MYCBP2: variants seen among roughly 807,000 people sequenced by gnomAD.
The protein encoded by MYCBP2 is MYC binding protein 2.
A neutral mutation model predicts 525.3 loss-of-function variants in MYCBP2; 120 were observed. The observed-to-expected ratio is 0.23, with a 90% confidence interval of 0.20 to 0.27. MYCBP2 has a LOEUF of 0.27. MYCBP2 is among the 10% of genes least tolerant of loss of function. The pLI, the probability that MYCBP2 is intolerant of heterozygous loss-of-function variation, is 1.00. For synonymous variants in MYCBP2, 1,894 were observed against 1,955.8 expected, an observed-to-expected ratio of 0.97 and a Z score of 0.83; for missense variants, 4,149 against 5,657.1, an observed-to-expected ratio of 0.73 and a Z score of 8.55.
chr13:77,261,423 G>T, intron 11 of MYCBP2, 48 bp from the exon 12 acceptor site: 4 of 1,374,606 alleles, frequency 2.9e-6, no homozygotes, highest in Non-Finnish European at 4.0e-6. Context: ...TTGGAATAGT[G>T]CATCAGGTTT....
chr13:77,096,455 C>T lies in MYCBP2; in HGVS notation c.9811G>A (p.Gly3271Ser), dbSNP rs2153508. Residue 3271 changes from glycine (G) to serine (S), a missense_variant, in exon 57 of 83, where the codon GGT (glycine) becomes AGT (serine). Coordinates refer to ENST00000544440, the MANE Select transcript of MYCBP2 (RefSeq NM_015057.5). ...PGCGRYAGGQ[G>S]YNSIGHFCGG... Reference sequence around the variant, plus strand: ...CAAAAATGCCCAATGCTATTGTAACCTTGTCCACCAGCATATCGGCCACAA... The same window carrying T: ...CAAAAATGCCCAATGCTATTGTAACTTTGTCCACCAGCATATCGGCCACAA... 1 of 1,613,262 alleles carries T rather than the reference C, an allele frequency of 6.2e-7. No individual in the cohort carries two copies. Among genetic ancestry groups the T allele is most frequent in the Non-Finnish European group, 8.5e-7 (1 of 1,179,500 alleles).
chr13:77,259,486 T>C (rs982877699), intron 13 of MYCBP2, among the ~76,000 whole-genome samples: 1 of 152,166 alleles, frequency 6.6e-6, no homozygotes, highest in African/African-American at 2.4e-5. Context: ...CAGTGGATGT[T>C]AGCAAGCAAC....
At chr13:77,323,797 C>A (rs942953908) in intron 1 of MYCBP2, among the ~76,000 whole-genome samples, 1 of 152,144 alleles carries the variant, frequency 6.6e-6, no homozygotes, top group African/African-American at 2.4e-5. Context: ...GGATATGATG[C>A]CTATCCTCAA....
Position 77,098,122 on chromosome 13 carries a change from T to A in MYCBP2, c.9032A>T (p.Asp3011Val), listed in dbSNP as rs1358980856. Residue 3011 changes from aspartate to valine, a missense_variant, in exon 56 of 83, where the codon GAT (aspartate) becomes GTT (valine). Asp to Val is a radical substitution (Grantham distance 152). This residue lies in a region of MYCBP2 where 653 missense variants were observed against 744.7 expected (regional missense o/e 0.88). Coordinates refer to ENST00000544440, the MANE Select transcript of MYCBP2 (RefSeq NM_015057.5). ...KEKSSFLFKG[D>V]GSKPLEPAKQ... ...GGCTGGCTCTAAAGGCTTGGATCCA[T>A]CTCCTTTGAAAAGAAAACTCGATTT... is the stretch of plus-strand genomic sequence containing the variant. 1.2e-6 allele frequency: 2 copies of A among 1,613,608 alleles called. No individual in the cohort carries two copies. The highest frequency in any genetic ancestry group is 2.2e-5 in the East Asian group (1 of 44,858).
chr13:77,215,947 G>A (rs1304084166), intron 21 of MYCBP2, among the ~76,000 whole-genome samples: 2 of 152,112 alleles, frequency 1.3e-5, no homozygotes, highest in South Asian at 2.1e-4. Context: ...ATCCAAAGAC[G>A]TCCTGTAGCA....
At chr13:77,205,199 T>C in intron 26 of MYCBP2, 57 bp downstream of exon 26, 2 of 1,372,952 alleles carry the variant, frequency 1.5e-6, no homozygotes, top group Non-Finnish European at 1.9e-6. Flanking sequence ...AAATAATAAA[T>C]TAAGTCAAAA....
chr13:77,312,600 C>T (rs762529620), intron 1 of MYCBP2, among the ~76,000 whole-genome samples: 4 of 151,694 alleles, frequency 2.6e-5, no homozygotes, highest in Non-Finnish European at 5.9e-5. Flanking sequence ...AGAGATATTG[C>T]TGAAAAGACC....
intron 53 of MYCBP2, among the ~76,000 whole-genome samples, 175 bp downstream of exon 53, chr13:77,126,143 T>G (rs865949832): frequency 6.6e-6 from 1 of 152,228 alleles, no homozygotes; most frequent in Non-Finnish European, 1.5e-5. Context: ...AGGATAATTA[T>G]GCAAATCATT....
chr13:77,317,869 G>A (rs762986190), intron 1 of MYCBP2, among the ~76,000 whole-genome samples: 9 of 152,016 alleles, frequency 5.9e-5, no homozygotes, highest in African/African-American at 1.5e-4. Flanking sequence ...CCCGGGAGGC[G>A]GAGGTTGCAG....
intron 1 of MYCBP2, among the ~76,000 whole-genome samples, chr13:77,303,152 GTGAAAT>G (rs1420638683): frequency 3.9e-5 from 6 of 152,214 alleles, no homozygotes; most frequent in Non-Finnish European, 7.3e-5. Context: ...CACCAACATG[GTGAAAT>G]ACCGTCTCTA....
chr13:77,112,474 A>G (rs1201038562), intron 55 of MYCBP2, among the ~76,000 whole-genome samples: 1 of 150,856 alleles, frequency 6.6e-6, no homozygotes, highest in Non-Finnish European at 1.5e-5. Flanking sequence ...CTCAGGCTAG[A>G]GTGGGGTGGC....
At chr13:77,118,367 G>C (rs1038403312) in intron 55 of MYCBP2, 1 of 762,516 alleles carries the variant, frequency 1.3e-6, no homozygotes, top group Non-Finnish European at 2.4e-6. Context: ...TGGAAGGAAA[G>C]GGGCTGTCCG....
intron 56 of MYCBP2, 24 bp from the exon 57 acceptor site, chr13:77,096,505 T>TAA: frequency 6.2e-7 from 1 of 1,611,350 alleles, no homozygotes; most frequent in South Asian, 1.1e-5. Context: ...CAAAAATAAA[T>TAA]ATTTAACACT....
intron 23 of MYCBP2, among the ~76,000 whole-genome samples, chr13:77,209,490 A>T (rs2063724589): frequency 6.6e-6 from 1 of 152,250 alleles, no homozygotes; most frequent in Admixed American, 6.5e-5. Context: ...CTCTTTGGTA[A>T]CTAAGTCTCT....
intron 56 of MYCBP2, among the ~76,000 whole-genome samples, chr13:77,096,893 A>C (rs1024784847): frequency 1.3e-5 from 2 of 152,202 alleles, no homozygotes; most frequent in African/African-American, 4.8e-5. Context: ...GTATTAGGTG[A>C]ATTTGGAATA....
At position 77,125,442 on chromosome 13, in the gene MYCBP2, C is replaced by T. The variant is rs1433056885; in HGVS notation, c.7911G>A (p.Val2637=). 6.2e-7 allele frequency: 1 copy of T among 1,613,842 alleles called. No individual in the cohort carries two copies. The highest frequency in any genetic ancestry group is 1.1e-5 in the South Asian group (1 of 91,058). ...CTACCATGCTGTTCTGATCCAGTTG[C>T]ACCCATGTCCCTTCAGAATTGGTTA... ...GEVTNSEGTW[V]QLDQNSMVEF... Residue 2637 remains valine (V), a synonymous_variant, in exon 54 of 83, where the codon GTG becomes GTA. Coordinates refer to ENST00000544440, the MANE Select transcript of MYCBP2 (RefSeq NM_015057.5).
At chr13:77,137,876 G>A (rs962509225) in intron 52 of MYCBP2, among the ~76,000 whole-genome samples, 1 of 151,774 alleles carries the variant, frequency 6.6e-6, no homozygotes, top group Non-Finnish European at 1.5e-5. Flanking sequence ...GAGCCACCTC[G>A]CCTGGCTCTC....
Position 77,067,726 on chromosome 13 carries a change from C to T in MYCBP2, c.12310G>A (p.Gly4104Ser). Residue 4104 changes from glycine (G) to serine (S), a missense_variant, in exon 71 of 83, where the codon GGT becomes AGT. Gly to Ser is a moderately conservative substitution (Grantham distance 56). This residue lies in a region of MYCBP2 where 148 missense variants were observed against 179.4 expected (regional missense o/e 0.82). Transcript: ENST00000544440. Reference protein sequence around the residue: ...STEKGDWNKLGILDMFLGCIA... With the variant: ...STEKGDWNKLSILDMFLGCIA... ...CATCCTAGAAACATGTCCAAGATAC[C>T]CAGCTTATTCCAGTCTCCTTTCTCT... The T allele has an allele frequency of 6.2e-7, 1 of 1,614,038 alleles. No homozygotes were observed. The highest frequency in any genetic ancestry group is 2.2e-5 in the East Asian group (1 of 44,880).
At chr13:77,263,249 T>C (rs1049295080) in intron 10 of MYCBP2, among the ~76,000 whole-genome samples, 3 of 152,008 alleles carry the variant, frequency 2.0e-5, no homozygotes, top group African/African-American at 7.2e-5. Flanking sequence ...CTTTAAAAAT[T>C]TCAACGAGAG....
Sources: gnomAD v4.1 joint callset for allele counts (sites outside exome capture counted in the v4.1 genomes callset) on GRCh38, gnomAD v4.1.1 for gene constraint, gnomAD v4.1.1 regional missense constraint, MANE v1.5 for transcripts, NCBI Gene and HGNC (gene_info 2026-07-23, HGNC 2026-07-21) for gene names.